ZNF556: variants seen among roughly 807,000 people sequenced by gnomAD.
ZNF556 encodes the protein zinc finger protein 556.
A neutral mutation model predicts 13.6 loss-of-function variants in ZNF556; 11 were observed. That is an observed-to-expected ratio of 0.81 (90% CI 0.51 to 1.33). The LOEUF is 1.33. Among genes scored for constraint, ZNF556 ranks in the 40% most tolerant of loss-of-function variants. The pLI, the probability that ZNF556 is intolerant of heterozygous loss-of-function variation, is 0.00. For missense variants in ZNF556, 633 were observed against 566.2 expected, an observed-to-expected ratio of 1.12 and a Z score of -1.20; for synonymous variants, 229 against 207.8, an observed-to-expected ratio of 1.10 and a Z score of -0.88.
chr19:2,869,038 T>C (rs1599576239), intron 1 of ZNF556, among the ~76,000 whole-genome samples: 5 of 152,262 alleles, frequency 3.3e-5, no homozygotes, highest in Admixed American at 3.3e-4. Context: ...CTCTTTTATA[T>C]TCACTCATAG....
Position 2,876,096 on chromosome 19 carries a change from A to G in ZNF556, c.134A>G (p.Asn45Ser), listed in dbSNP as rs1053839023. 3 of 1,599,648 alleles carry G rather than the reference A, an allele frequency of 1.9e-6. No individual in the cohort carries two copies. Among genetic ancestry groups the G allele is most frequent in the Admixed American group, 1.8e-5 (1 of 55,952 alleles). ...ETFKHLASVD[N>S]EAQLKASGSI... Reference sequence around the variant, plus strand: ...TTGGTTCACTTTTTTGTTTCAGATAATGAGGCTCAGCTTAAAGCCAGTGGG... The same window carrying G: ...TTGGTTCACTTTTTTGTTTCAGATAGTGAGGCTCAGCTTAAAGCCAGTGGG... Residue 45 changes from asparagine (N) to serine (S), a missense_variant, in exon 3 of 4, where the codon AAT becomes AGT. Asn to Ser is a conservative substitution (Grantham distance 46). Transcript: ENST00000307635.
Position 2,877,333 on chromosome 19 carries a change from C to T in ZNF556, c.375C>T (p.Thr125=), listed in dbSNP as rs1430213442. ...GTAAAGGTAATAAACGTGGAAGAAC[C>T]TTCAGAAAGACTCGAAATTGTAATC... The part of the protein sequence containing the change: ...KSSKGNKRGR[T]FRKTRNCNRH... The change falls in exon 4 of 4, where the codon ACC becomes ACT. Residue 125 remains threonine, a synonymous_variant. Coordinates refer to ENST00000307635, the MANE Select transcript of ZNF556 (RefSeq NM_024967.3). 1 of 1,613,988 alleles carries T rather than the reference C, an allele frequency of 6.2e-7. No individual in the cohort carries two copies. The highest frequency in any genetic ancestry group is 8.5e-7 in the Non-Finnish European group (1 of 1,180,024).
chr19:2,867,483 C>T (rs1261060989), intron 1 of ZNF556, 59 bp downstream of exon 1: 23 of 1,564,404 alleles, frequency 1.5e-5, no homozygotes, highest in South Asian at 2.3e-5. Flanking sequence ...GGGTTGGAAG[C>T]GGCCAGAACA....
intron 1 of ZNF556, among the ~76,000 whole-genome samples, chr19:2,872,572 A>G (rs1599578958): frequency 6.6e-6 from 1 of 152,178 alleles, no homozygotes; most frequent in East Asian, 1.9e-4. Flanking sequence ...AATCATATCT[A>G]AGATCTATAT....
At position 2,878,164 on chromosome 19, in the gene ZNF556, T is replaced by A; in HGVS notation, c.1206T>A (p.Ser402Arg). ...GGGAGAAACCTGTAAATGCAGCCAG[T>A]GTGGGAAAACCTTCAGGCGGGCTTT... ...HTGEKPVNAA[S>R]VGKPSGGLCS... is the part of the protein sequence containing the mutation. The change falls in exon 4 of 4, where the codon AGT (serine) becomes AGA (arginine). Residue 402 changes from serine to arginine, a missense_variant. By Grantham distance (110) the Ser-to-Arg change is moderately radical (BLOSUM62 -1). Transcript: ENST00000307635. The A allele has an allele frequency of 6.2e-7, 1 of 1,614,058 alleles. No homozygotes were observed. The highest frequency in any genetic ancestry group is 2.2e-5 in the East Asian group (1 of 44,876).
rs1255327869 is a variant in ZNF556 at position 2,877,894 on chromosome 19, G to A, written c.936G>A (p.Glu312=). The A allele has an allele frequency of 6.2e-7, 1 of 1,614,092 alleles. No homozygotes were observed. The highest frequency in any genetic ancestry group is 1.3e-5 in the African/African-American group (1 of 74,934). Residue 312 remains glutamate, a synonymous_variant, in exon 4 of 4, where the codon GAG becomes GAA. Coordinates refer to ENST00000307635, the MANE Select transcript of ZNF556 (RefSeq NM_024967.3). ...FQRHVRIHNG[E]KPYKCGKCGK... ...GACACGTGAGAATTCACAACGGGGA[G>A]AAACCCTATAAGTGTGGAAAATGCG...
intron 1 of ZNF556, 79 bp from the exon 2 acceptor site, chr19:2,873,417 T>C: frequency 2.6e-6 from 4 of 1,532,000 alleles, no homozygotes; most frequent in Non-Finnish European, 2.7e-6. Context: ...CTTGTGTGAG[T>C]GTCCTATGAA....
intron 1 of ZNF556, among the ~76,000 whole-genome samples, chr19:2,868,013 G>C (rs182839974): frequency 3.9e-5 from 6 of 152,244 alleles, no homozygotes; most frequent in African/African-American, 7.2e-5. Context: ...AATAGAGTTT[G>C]AAAGATAAAA....
At chr19:2,874,766 G>GAA (rs1256793528) in intron 2 of ZNF556, among the ~76,000 whole-genome samples, 2 of 143,712 alleles carry the variant, frequency 1.4e-5, no homozygotes, top group Non-Finnish European at 3.0e-5. Context: ...AAAAAAGAAA[G>GAA]AAAGAAAGAA....
intron 1 of ZNF556, among the ~76,000 whole-genome samples, chr19:2,873,178 G>A (rs1235416010): frequency 6.6e-6 from 1 of 151,770 alleles, no homozygotes; most frequent in African/African-American, 2.4e-5. Flanking sequence ...AATCTTACTT[G>A]TTCTTACCAT....
At chr19:2,876,070 A>T (rs1176934385) in intron 2 of ZNF556, 23 bp from the exon 3 acceptor site, 1 of 1,589,742 alleles carries the variant, frequency 6.3e-7, no homozygotes, top group Admixed American at 1.9e-5. Context: ...TCCTCATCAT[A>T]TTGGTTCACT....
chr19:2,878,157 C>T lies in ZNF556; in HGVS notation c.1199C>T (p.Ala400Val), dbSNP rs1412197087. 14 of 1,614,130 alleles carry T rather than the reference C, an allele frequency of 8.7e-6. No individual in the cohort carries two copies. Among genetic ancestry groups the T allele is most frequent in the Non-Finnish European group, 1.2e-5 (14 of 1,180,020 alleles). ...RKHTGEKPVN[A>V]ASVGKPSGGL... ...CACACTGGGGAGAAACCTGTAAATG[C>T]AGCCAGTGTGGGAAAACCTTCAGGC... Residue 400 changes from alanine (A) to valine (V), a missense_variant, in exon 4 of 4, where the codon GCA (alanine) becomes GTA (valine). By Grantham distance (64) the Ala-to-Val change is moderately conservative. Coordinates refer to ENST00000307635, the MANE Select transcript of ZNF556 (RefSeq NM_024967.3).
In ZNF556 at chr19:2,883,367, T is replaced by G. The variant is rs1422412410; in HGVS notation, c.*5038T>G. 1 of 152,242 alleles carries G rather than the reference T, an allele frequency of 6.6e-6. No individual in the cohort carries two copies. Among genetic ancestry groups the G allele is most frequent in the African/African-American group, 2.4e-5 (1 of 41,466 alleles). The allele number at this position is 152,242 out of a possible 1,614,324, so 9.4% of individuals were successfully genotyped here. A position where few individuals can be genotyped will look rare whatever the true frequency, so the allele number is the denominator to read the frequency against. ...TTGATTTTCATAGGTATCGTTTCCA[T>G]ATGCTTAGACTTCCAGCAGCTATTA... On this transcript the variant is annotated 3_prime_UTR_variant, in exon 4 of 4. Transcript: ENST00000307635.
chr19:2,869,927 C>T (rs1726574717), intron 1 of ZNF556, among the ~76,000 whole-genome samples: 1 of 152,148 alleles, frequency 6.6e-6, no homozygotes, highest in African/African-American at 2.4e-5. Context: ...ACTCGACCCC[C>T]CTTGGCTGTC....
intron 1 of ZNF556, among the ~76,000 whole-genome samples, chr19:2,869,714 C>A (rs929786732): frequency 2.0e-5 from 3 of 152,170 alleles, no homozygotes; most frequent in African/African-American, 4.8e-5. Context: ...CTGTGACACC[C>A]AAGCTGACAC....
At position 2,880,394 on chromosome 19, in the gene ZNF556, A is replaced by G. The variant is rs1245222660; in HGVS notation, c.*2065A>G. On this transcript the variant is annotated 3_prime_UTR_variant, in exon 4 of 4. Coordinates refer to ENST00000307635, the MANE Select transcript of ZNF556 (RefSeq NM_024967.3). ...TTTTCAAATAAGTTGTATACTAACA[A>G]ATGTCAATCTCTGTTTTTTATTTAC... 6.6e-6 allele frequency: 1 copy of G among 152,226 alleles called. No individual in the cohort carries two copies. The highest frequency in any genetic ancestry group is 1.5e-5 in the Non-Finnish European group (1 of 68,038). The allele number at this position is 152,226 out of a possible 1,614,324, so 9.4% of individuals were successfully genotyped here. A position where few individuals can be genotyped will look rare whatever the true frequency, so the allele number is the denominator to read the frequency against.
At position 2,877,815 on chromosome 19, in the gene ZNF556, C is replaced by A. The variant is rs137990401; in HGVS notation, c.857C>A (p.Pro286Gln). ...VHMIMHAGGR[P>Q]YECKQCGKAY... ...ATGATCATGCACGCCGGAGGGAGACCGTATGAGTGCAAGCAGTGTGGGAAA... is the reference window on the plus strand; with the variant it reads ...ATGATCATGCACGCCGGAGGGAGACAGTATGAGTGCAAGCAGTGTGGGAAA... Residue 286 changes from proline to glutamine, a missense_variant, in exon 4 of 4, where the codon CCG becomes CAG. By Grantham distance (76) the Pro-to-Gln change is moderately conservative. Coordinates refer to ENST00000307635, the MANE Select transcript of ZNF556 (RefSeq NM_024967.3). The A allele has an allele frequency of 6.9e-5, 111 of 1,614,096 alleles. No individual in the cohort carries two copies. In the African/African-American group the frequency reaches 1.3e-3, roughly 20 times the overall value.
rs1434864733 is a variant in ZNF556 at position 2,876,126 on chromosome 19, T to C, written c.164T>C (p.Ile55Thr). 3 of 1,612,116 alleles carry C rather than the reference T, an allele frequency of 1.9e-6. No individual in the cohort carries two copies. In the East Asian group the frequency reaches 6.7e-5, roughly 36 times the overall value. Residue 55 changes from isoleucine to threonine, a missense_variant, in exon 3 of 4, where the codon ATT (isoleucine) becomes ACT (threonine). Coordinates refer to ENST00000307635, the MANE Select transcript of ZNF556 (RefSeq NM_024967.3). The stretch of plus-strand genomic sequence containing the variant: ...GCTCAGCTTAAAGCCAGTGGGTCTA[T>C]TTCTCAGCAGGATACTTCTGGAGAA... ...NEAQLKASGS[I>T]SQQDTSGEKL... is the part of the protein sequence containing the mutation.
At chr19:2,872,406 G>T (rs893357646) in intron 1 of ZNF556, among the ~76,000 whole-genome samples, 1 of 151,614 alleles carries the variant, frequency 6.6e-6, no homozygotes, top group Non-Finnish European at 1.5e-5. Flanking sequence ...CAGAAGGCTC[G>T]CACTCTTGTC....
Sources: gnomAD v4.1 joint callset for allele counts (sites outside exome capture counted in the v4.1 genomes callset) on GRCh38, gnomAD v4.1.1 for gene constraint, MANE v1.5 for transcripts, NCBI Gene and HGNC (gene_info 2026-07-23, HGNC 2026-07-21) for gene names.